The following INSYN2A variants were observed in gnomAD, a reference collection of about 807,000 sequenced individuals.
INSYN2A encodes inhibitory synaptic factor 2A.
In INSYN2A, 17 loss-of-function variants were observed where a neutral mutation model predicts 39.4. The ratio of observed to expected loss-of-function variants is 0.43; its 90% CI spans 0.30 to 0.65. The LOEUF (loss-of-function observed/expected upper bound fraction) is 0.65. INSYN2A is among the 30% of genes least tolerant of loss of function. INSYN2A has a pLI of 0.14. For synonymous variants in INSYN2A, 255 were observed against 265.7 expected (o/e 0.96, Z 0.39); for missense variants, 595 against 631.2 (o/e 0.94, Z 0.61).
At chr10:127,139,079 C>T (rs2133250752) in intron 5 of INSYN2A, among the ~76,000 whole-genome samples, 1 of 152,312 alleles carries the variant, frequency 6.6e-6, no homozygotes, top group East Asian at 1.9e-4. Context: ...GCTCTGTCCT[C>T]CTTCCATGTC....
At chr10:127,179,830 G>C (rs1165090054) in intron 2 of INSYN2A, among the ~76,000 whole-genome samples, 2 of 152,180 alleles carry the variant, frequency 1.3e-5, no homozygotes, top group African/African-American at 2.4e-5. Flanking sequence ...TTAACATTCA[G>C]TAAGCATGCA....
intron 5 of INSYN2A, among the ~76,000 whole-genome samples, chr10:127,147,980 G>A (rs1165673053): frequency 1.5e-5 from 2 of 134,420 alleles, no homozygotes; most frequent in Non-Finnish European, 3.1e-5. Flanking sequence ...GCAGTGAGCC[G>A]AGATTGCACC....
intron 4 of INSYN2A, among the ~76,000 whole-genome samples, chr10:127,168,359 A>AG (rs1263907409): frequency 6.6e-6 from 1 of 152,274 alleles, no homozygotes; most frequent in Non-Finnish European, 1.5e-5. Flanking sequence ...CCATTCAAAT[A>AG]GGGAGTGCTA....
intron 2 of INSYN2A, among the ~76,000 whole-genome samples, chr10:127,187,738 G>T (rs904556901): frequency 8.6e-6 from 1 of 115,836 alleles, no homozygotes; most frequent in Non-Finnish European, 2.0e-5. Context: ...GAGAAAGAAA[G>T]AAAGAAAGAG....
At chr10:127,177,879 T>C (rs2055327746) in intron 2 of INSYN2A, among the ~76,000 whole-genome samples, 1 of 152,198 alleles carries the variant, frequency 6.6e-6, no homozygotes, top group African/African-American at 2.4e-5. Flanking sequence ...TCAAGGAGGA[T>C]ACTAGGGTTC....
rs764748949 is a variant in INSYN2A, at chr10:127,175,897, C to A, written c.499G>T (p.Val167Leu). Residue 167 changes from valine to leucine, a missense_variant, in exon 4 of 6, where the codon GTG becomes TTG. Around this residue, in one of 2 missense-constraint regions of INSYN2A, gnomAD observed 478 missense variants for 467.4 expected, o/e 1.02. Transcript: ENST00000522781. This position sits in a 1 kb window ranked among gnomAD's most constrained non-coding sequence, Gnocchi z 6.3. Reference protein sequence around the residue: ...EEARPCGAGRVHKTTALVFHS... With the variant: ...EEARPCGAGRLHKTTALVFHS... ...AAAACCAAGGCTGTGGTCTTGTGCA[C>A]CCGCCCCGCGCCACATGGCCGGGCC... 1.2e-6 allele frequency: 2 copies of A among 1,614,084 alleles called. No individual in the cohort carries two copies. The highest frequency in any genetic ancestry group is 2.7e-5 in the African/African-American group (2 of 74,936).
intron 2 of INSYN2A, among the ~76,000 whole-genome samples, chr10:127,178,768 G>A (rs989114763): frequency 3.9e-5 from 6 of 152,158 alleles, no homozygotes; most frequent in Admixed American, 2.0e-4. Context: ...TCTTGGCCCC[G>A]TTTGGGATGG....
At chr10:127,146,738 G>A (rs2051896871) in intron 5 of INSYN2A, among the ~76,000 whole-genome samples, 1 of 152,156 alleles carries the variant, frequency 6.6e-6, no homozygotes, top group African/African-American at 2.4e-5. Context: ...CATTGAAGCA[G>A]GGCTGGAAAG....
rs759630403 is a variant in INSYN2A at position 127,175,467 on chromosome 10, G to A, written c.929C>T (p.Pro310Leu). 1.1e-5 allele frequency: 17 copies of A among 1,610,002 alleles called. No individual in the cohort carries two copies. Among genetic ancestry groups the A allele is most frequent in the African/African-American group, 4.0e-5 (3 of 74,920 alleles). Residue 310 changes from proline to leucine, a missense_variant, in exon 4 of 6, where the codon CCG becomes CTG. Physicochemically the swap from Pro to Leu is moderately conservative, Grantham distance 98. Transcript: ENST00000522781. The surrounding 1 kb of genome is among the most constrained non-coding windows in gnomAD (Gnocchi z 6.3). ...PSETALACSP[P>L]MQCLSPECSE... ...ACATTCGGGGGACAGGCACTGCATC[G>A]GGGGTGAGCAGGCCAGGGCAGTTTC...
intron 2 of INSYN2A, among the ~76,000 whole-genome samples, chr10:127,177,695 C>T (rs759905205): frequency 3.3e-5 from 5 of 152,330 alleles, no homozygotes; most frequent in African/African-American, 4.8e-5. Context: ...GTCTGAAAAA[C>T]CAGCCCAGAG....
intron 4 of INSYN2A, among the ~76,000 whole-genome samples, chr10:127,171,808 A>G (rs1036615730): frequency 1.3e-5 from 2 of 152,136 alleles, no homozygotes; most frequent in Non-Finnish European, 2.9e-5. Flanking sequence ...GGTTCAAGCA[A>G]TTCTCCTGCC....
At chr10:127,154,044 T>C in intron 4 of INSYN2A, 121 bp from the exon 5 acceptor site, 1 of 704,972 alleles carries the variant, frequency 1.4e-6, no homozygotes, top group Non-Finnish European at 2.5e-6. Context: ...TGGAAATTGA[T>C]TAATGCATGC....
intron 4 of INSYN2A, among the ~76,000 whole-genome samples, chr10:127,159,889 G>A (rs1164743393): frequency 2.0e-5 from 3 of 152,168 alleles, no homozygotes; most frequent in Non-Finnish European, 2.9e-5. Flanking sequence ...AGCAGGGCAC[G>A]GGAGGGCTGG....
intron 5 of INSYN2A, among the ~76,000 whole-genome samples, chr10:127,148,816 G>A (rs1244082112): frequency 2.0e-5 from 3 of 152,164 alleles, no homozygotes; most frequent in Non-Finnish European, 2.9e-5. Context: ...TAAAGAAAAC[G>A]GAAACTGGAA....
intron 5 of INSYN2A, among the ~76,000 whole-genome samples, chr10:127,150,743 A>G (rs2052405208): frequency 6.6e-6 from 1 of 152,236 alleles, no homozygotes; most frequent in Non-Finnish European, 1.5e-5. Context: ...TGCTTTGGAA[A>G]GAGTGGGGTA....
chr10:127,155,613 C>T (rs920295085), intron 4 of INSYN2A, among the ~76,000 whole-genome samples: 1 of 152,158 alleles, frequency 6.6e-6, no homozygotes, highest in African/African-American at 2.4e-5. Context: ...ATTTTGTAGT[C>T]CTTACCCCTT....
intron 4 of INSYN2A, among the ~76,000 whole-genome samples, chr10:127,155,931 T>A (rs1166210471): frequency 6.6e-6 from 1 of 152,228 alleles, no homozygotes; most frequent in Non-Finnish European, 1.5e-5. Context: ...GATGAGGTAC[T>A]GCTCTACTAT....
chr10:127,193,375 A>C (rs775312794), intron 1 of INSYN2A, among the ~76,000 whole-genome samples: 71 of 152,212 alleles, frequency 4.7e-4, no homozygotes, highest in Non-Finnish European at 7.9e-4. Context: ...CGCGTTGAAC[A>C]GCATCCTTCA....
In INSYN2A at chr10:127,176,165, G is replaced by A. The variant is rs1335321668; in HGVS notation, c.231C>T (p.Pro77=). ...GQLGEKREAK[P]VSCRAAYRKY... is the part of the protein sequence containing the mutation. ...TGCGGTAGGCTGCTCTGCAGGACAC[G>A]GGCTTGGCCTCCCGCTTCTCCCCCA... Residue 77 remains proline, a synonymous_variant, in exon 4 of 6, where the codon CCC becomes CCT. Transcript: ENST00000522781. The surrounding 1 kb of genome is among the most constrained non-coding windows in gnomAD (Gnocchi z 4.4). The A allele has an allele frequency of 1.2e-5, 19 of 1,614,102 alleles. No homozygotes were observed. Among genetic ancestry groups the A allele is most frequent in the East Asian group, 4.5e-5 (2 of 44,842 alleles).
Sources: allele counts gnomAD v4.1 joint callset (sites outside exome capture counted in the v4.1 genomes callset), GRCh38; gene constraint gnomAD v4.1.1; regional missense constraint gnomAD v4.1.1; non-coding constraint Gnocchi (gnomAD v3.1); transcripts MANE v1.5; gene names NCBI Gene and HGNC (gene_info 2026-07-23, HGNC 2026-07-21).